Variants in GPR176 observed in about 807,000 individuals in gnomAD.
GPR176 encodes the protein G protein-coupled receptor 176, also known as G-protein coupled receptor 176.
A neutral mutation model predicts 35.4 loss-of-function variants in GPR176; 26 were observed. The observed-to-expected ratio is 0.74, with a 90% CI of 0.54 to 1.02. GPR176 has a LOEUF of 1.02. Among genes scored for constraint, GPR176 ranks in the 50% least tolerant of loss-of-function variants. The pLI, the probability that GPR176 is intolerant of heterozygous loss-of-function variation, is 0.00. For synonymous variants in GPR176, 278 were observed against 271.3 expected (o/e 1.02, Z -0.24); for missense variants, 597 against 665.3 (o/e 0.90, Z 1.13).
intron 1 of GPR176, among the ~76,000 whole-genome samples, chr15:39,889,819 T>G (rs2032806979): frequency 6.6e-6 from 1 of 152,118 alleles, no homozygotes; most frequent in African/African-American, 2.4e-5. Flanking sequence ...TTAGTAAATA[T>G]TTGTAGAATG....
chr15:39,818,503 T>C (rs950431457), intron 1 of GPR176, among the ~76,000 whole-genome samples: 1 of 152,246 alleles, frequency 6.6e-6, no homozygotes, highest in African/African-American at 2.4e-5. Flanking sequence ...ATTAGCAAGA[T>C]TCACTTCTGT....
chr15:39,830,786 G>A (rs1901023864), intron 1 of GPR176, among the ~76,000 whole-genome samples: 1 of 152,110 alleles, frequency 6.6e-6, no homozygotes, highest in Non-Finnish European at 1.5e-5. Flanking sequence ...ATACTTGATT[G>A]TAAAACATAA....
intron 1 of GPR176, among the ~76,000 whole-genome samples, chr15:39,840,607 T>C (rs969397969): frequency 1.3e-5 from 2 of 152,158 alleles, no homozygotes; most frequent in Admixed American, 6.5e-5. Context: ...GTTGTGCACA[T>C]GTACCCTAGA....
intron 1 of GPR176, among the ~76,000 whole-genome samples, chr15:39,892,134 C>A (rs1254800046): frequency 3.9e-5 from 6 of 152,278 alleles, no homozygotes; most frequent in Admixed American, 2.0e-4. Flanking sequence ...GTATGAAGCA[C>A]CCCATCCTTA....
In GPR176 at chr15:39,812,330, G is replaced by A. The variant is rs147674882; in HGVS notation, c.173-5072C>T. ...CCACAATCTAATCAGCTGCCAGCAC[G>A]GCAAGAATAAAAGCAGCAGAAAAAC... On this transcript the variant is annotated intron_variant, in intron 1 of 2. Transcript: ENST00000561100. Among the ~76,000 whole-genome samples the A allele has an allele frequency of 4.0e-4, 61 of 152,258 alleles. 2 individuals are homozygous for A. In the East Asian group the frequency reaches 9.4e-3, roughly 24 times the overall value.
At chr15:39,830,333 G>A (rs898576352) in intron 1 of GPR176, among the ~76,000 whole-genome samples, 2 of 152,178 alleles carry the variant, frequency 1.3e-5, no homozygotes, top group Admixed American at 6.5e-5. Context: ...GTTGACAAAC[G>A]AGTTTGACAT....
intron 1 of GPR176, 133 bp downstream of exon 1, chr15:39,919,722 C>T (rs770641898): frequency 6.6e-5 from 40 of 610,200 alleles, no homozygotes; most frequent in Admixed American, 1.7e-4. Flanking sequence ...ACCCGGGATC[C>T]TTAAGCTTCC....
Position 39,909,102 on chromosome 15 carries a change from T to C in GPR176, c.172+10753A>G, listed in dbSNP as rs76572620. 5.3e-3 allele frequency among the ~76,000 whole-genome samples: 800 copies of C among 152,304 alleles called. 6 individuals carry two copies. Among genetic ancestry groups the C allele is most frequent in the African/African-American group, 0.018 (761 of 41,554 alleles). ...AAGGCTGGAAAGTTTAAAACACCAC[T>C]TTCCAGACAGGCTTGCAGTGAGGGT... On this transcript the variant is annotated intron_variant, in intron 1 of 2. Transcript: ENST00000561100.
intron 1 of GPR176, among the ~76,000 whole-genome samples, chr15:39,894,903 G>T (rs13310071): frequency 1.3e-5 from 2 of 152,066 alleles, no homozygotes; most frequent in African/African-American, 4.8e-5. Flanking sequence ...AGGTTGTAGC[G>T]AGCCGAGATC....
chr15:39,865,067 CAT>C (rs2031772698), intron 1 of GPR176, among the ~76,000 whole-genome samples: 1 of 151,728 alleles, frequency 6.6e-6, no homozygotes, highest in African/African-American at 2.4e-5. Context: ...TTGGCAAGGA[CAT>C]AGAGAAAAGG....
chr15:39,823,431 C>T (rs1900411199), intron 1 of GPR176, among the ~76,000 whole-genome samples: 1 of 152,178 alleles, frequency 6.6e-6, no homozygotes, highest in African/African-American at 2.4e-5. Flanking sequence ...ATCCTTGCCA[C>T]CTTCTTATCA....
Position 39,870,409 on chromosome 15 carries a change from C to G in GPR176, c.172+49446G>C, listed in dbSNP as rs118172022. 1.6e-4 allele frequency among the ~76,000 whole-genome samples: 25 copies of G among 152,286 alleles called. No individual in the cohort carries two copies. In the East Asian group the frequency reaches 4.6e-3, roughly 28 times the overall value. Reference sequence around the variant, plus strand: ...TCCATTTCTATTCCCTTCAAGAGAGCAGCAAAAGGGAATGACATCATTTAA... The same window carrying G: ...TCCATTTCTATTCCCTTCAAGAGAGGAGCAAAAGGGAATGACATCATTTAA... On this transcript the variant is annotated intron_variant, in intron 1 of 2. Transcript: ENST00000561100.
chr15:39,857,663 T>C (rs752437767), intron 1 of GPR176, among the ~76,000 whole-genome samples: 4 of 147,640 alleles, frequency 2.7e-5, no homozygotes, highest in African/African-American at 5.0e-5. Flanking sequence ...AGGCAAGACA[T>C]TGTCTCAAAA....
At chr15:39,914,451 T>C (rs745966960) in intron 1 of GPR176, among the ~76,000 whole-genome samples, 1 of 151,932 alleles carries the variant, frequency 6.6e-6, no homozygotes, top group Non-Finnish European at 1.5e-5. Context: ...ATAGCTGAGA[T>C]TATAGGCGCC....
intron 1 of GPR176, among the ~76,000 whole-genome samples, chr15:39,890,600 T>C (rs1393690320): frequency 7.0e-6 from 1 of 142,260 alleles, no homozygotes; most frequent in African/African-American, 2.5e-5. Context: ...TAAACAGGTT[T>C]GTGGCATTTA....
chr15:39,886,709 T>C (rs1321928217), intron 1 of GPR176, among the ~76,000 whole-genome samples: 1 of 152,212 alleles, frequency 6.6e-6, no homozygotes, highest in African/African-American at 2.4e-5. Flanking sequence ...AATATAACAT[T>C]AGGAGAATTA....
At chr15:39,852,597 G>A (rs996257650) in intron 1 of GPR176, among the ~76,000 whole-genome samples, 2 of 152,150 alleles carry the variant, frequency 1.3e-5, no homozygotes, top group Non-Finnish European at 2.9e-5. Flanking sequence ...GGGTCTCTTA[G>A]CCTTTCTCTC....
chr15:39,844,642 C>T (rs927813799), intron 1 of GPR176, among the ~76,000 whole-genome samples: 2 of 151,874 alleles, frequency 1.3e-5, no homozygotes, highest in Non-Finnish European at 2.9e-5. Context: ...CTATAGGCTA[C>T]ATAGATCCAG....
At chr15:39,841,641 G>C (rs1256902639) in intron 1 of GPR176, among the ~76,000 whole-genome samples, 2 of 152,098 alleles carry the variant, frequency 1.3e-5, no homozygotes, top group Non-Finnish European at 2.9e-5. Context: ...TTCCCCCACA[G>C]GTTTCAGGGA....
Sources: gnomAD v4.1 joint callset for allele counts (sites outside exome capture counted in the v4.1 genomes callset) on GRCh38, gnomAD v4.1.1 for gene constraint, MANE v1.5 for transcripts, NCBI Gene and HGNC (gene_info 2026-07-23, HGNC 2026-07-21) for gene names.